ROBO2: variants seen among roughly 807,000 people sequenced by gnomAD.
ROBO2 encodes roundabout homolog 2.
Under a neutral mutation model 160.8 loss-of-function variants are expected in ROBO2, and 53 were observed. The ratio of observed to expected loss-of-function variants is 0.33; its 90% CI spans 0.26 to 0.41. The LOEUF is 0.41. Ranked by LOEUF, ROBO2 falls within the 10% of genes least tolerant of loss-of-function variation. The probability of loss-of-function intolerance (pLI) is 1.00; values close to 1 mark genes in which losing one functional copy is unlikely to be tolerated. For synonymous variants in ROBO2, 664 were observed against 611.7 expected (o/e 1.09, Z -1.26); for missense variants, 1,577 against 1,722.4 (o/e 0.92, Z 1.49).
Position 76,813,569 on chromosome 3 carries a change from C to T in ROBO2, c.110-284445C>T, listed in dbSNP as rs1318347568. On this transcript the variant is annotated intron_variant, in intron 2 of 26. Coordinates refer to the ROBO2 transcript ENST00000487694. ...TCTAATTTATGCTTTTTGAGTGATA[C>T]GAAGTAACTATTCCCAAATTTATGA... is the stretch of plus-strand genomic sequence containing the variant. Among the ~76,000 whole-genome samples, 7 of 152,120 alleles carry T rather than the reference C, an allele frequency of 4.6e-5. 1 individual carries two copies. In the South Asian group the frequency reaches 6.2e-4, roughly 14 times the overall value.
intron 2 of ROBO2, among the ~76,000 whole-genome samples, chr3:77,110,024 A>C (rs1355763365): frequency 1.3e-5 from 2 of 152,222 alleles, no homozygotes; most frequent in Non-Finnish European, 2.9e-5. Flanking sequence ...CAGAAAGAGT[A>C]ATCTTTTCTA....
intron 2 of ROBO2, among the ~76,000 whole-genome samples, chr3:76,131,605 G>A (rs2071224252): frequency 6.6e-6 from 1 of 152,080 alleles, no homozygotes; most frequent in South Asian, 2.1e-4. Flanking sequence ...AGACCTGTCA[G>A]CAGCTGAGAT....
intron 2 of ROBO2, among the ~76,000 whole-genome samples, chr3:77,294,001 G>T (rs1199155698): frequency 1.4e-5 from 2 of 143,484 alleles, no homozygotes; most frequent in African/African-American, 5.4e-5. Context: ...CGGTTAAACG[G>T]GTACACTGAG....
intron 2 of ROBO2, among the ~76,000 whole-genome samples, chr3:76,757,855 G>T (rs1174416427): frequency 6.6e-6 from 1 of 151,522 alleles, no homozygotes; most frequent in African/African-American, 2.4e-5. Flanking sequence ...GCATCCCTAG[G>T]GGAGTTTTCA....
intron 2 of ROBO2, among the ~76,000 whole-genome samples, chr3:76,119,916 C>CCCTCCCTTCCTTCCTCCCTCCCTT (rs1377854643): frequency 1.0e-4 from 9 of 88,178 alleles, no homozygotes; most frequent in African/African-American, 4.3e-4. Flanking sequence ...TTCCCTCCCT[C>CCCTCCCTTCCTTCCTCCCTCCCTT]CCTTCCTTCC....
chr3:76,036,787 A>G (rs2067124087), intron 2 of ROBO2, among the ~76,000 whole-genome samples: 1 of 152,048 alleles, frequency 6.6e-6, no homozygotes, highest in Admixed American at 6.5e-5. Flanking sequence ...TACAGGCATG[A>G]GCCACTGTGC....
intron 1 of ROBO2, among the ~76,000 whole-genome samples, chr3:75,934,599 G>T (rs1231967395): frequency 6.6e-6 from 1 of 151,970 alleles, no homozygotes; most frequent in Non-Finnish European, 1.5e-5. Context: ...GAATGGCAGG[G>T]GCAGCATTTA....
At chr3:76,158,793 G>A (rs1316403813) in intron 2 of ROBO2, among the ~76,000 whole-genome samples, 1 of 152,104 alleles carries the variant, frequency 6.6e-6, no homozygotes, top group Non-Finnish European at 1.5e-5. Context: ...TTCTTTTCCT[G>A]ATAAGGCTAA....
At chr3:77,142,557 T>C (rs749143376) in intron 2 of ROBO2, among the ~76,000 whole-genome samples, 9 of 152,204 alleles carry the variant, frequency 5.9e-5, no homozygotes, top group Non-Finnish European at 1.2e-4. Context: ...CTGTCTTCTT[T>C]GCTATTGGAG....
chr3:76,177,148 A>G (rs561578120), intron 2 of ROBO2, among the ~76,000 whole-genome samples: 16 of 152,270 alleles, frequency 1.1e-4, no homozygotes, highest in African/African-American at 3.8e-4. Context: ...TTTTATGTCT[A>G]ATGTCAGATA....
At chr3:76,933,676 A>T (rs2077498467) in intron 2 of ROBO2, among the ~76,000 whole-genome samples, 1 of 152,178 alleles carries the variant, frequency 6.6e-6, no homozygotes, top group Non-Finnish European at 1.5e-5. Context: ...CTCATACATT[A>T]TGTATATATT....
At chr3:76,248,310 C>G (rs1260340547) in intron 2 of ROBO2, among the ~76,000 whole-genome samples, 1 of 151,880 alleles carries the variant, frequency 6.6e-6, no homozygotes, top group African/African-American at 2.4e-5. Flanking sequence ...ACTATGCAGC[C>G]ATAAAAAATG....
At chr3:77,015,877 C>T (rs868621078) in intron 2 of ROBO2, among the ~76,000 whole-genome samples, 1 of 152,190 alleles carries the variant, frequency 6.6e-6, no homozygotes. Flanking sequence ...CAGCATATCC[C>T]CACATTTGAA....
chr3:76,409,858 T>C (rs1382456224), intron 2 of ROBO2, among the ~76,000 whole-genome samples: 2 of 152,118 alleles, frequency 1.3e-5, no homozygotes, highest in African/African-American at 4.8e-5. Flanking sequence ...ACTTTTTAAA[T>C]TCTTGGATTT....
intron 2 of ROBO2, among the ~76,000 whole-genome samples, chr3:76,341,504 C>T (rs988757201): frequency 7.4e-5 from 7 of 94,682 alleles, no homozygotes; most frequent in Non-Finnish European, 1.6e-4. Context: ...TATCTCTTTA[C>T]AAAAAAAAAA....
intron 2 of ROBO2, among the ~76,000 whole-genome samples, chr3:77,369,054 TAAGAGA>T (rs889921931): frequency 1.3e-5 from 2 of 152,112 alleles, no homozygotes; most frequent in African/African-American, 4.8e-5. Context: ...GTTTCACATA[TAAGAGA>T]TAGAACTAGT....
At chr3:77,013,015 A>G (rs2062011128) in intron 2 of ROBO2, among the ~76,000 whole-genome samples, 1 of 152,114 alleles carries the variant, frequency 6.6e-6, no homozygotes, top group African/African-American at 2.4e-5. Context: ...ATCTTGACTC[A>G]TTTGTGGGGG....
At position 76,809,255 on chromosome 3, in the gene ROBO2, C is replaced by T. The variant is rs2064977662; in HGVS notation, c.110-288759C>T. On this transcript the variant is annotated intron_variant, in intron 2 of 26. Coordinates refer to the ROBO2 transcript ENST00000487694. ...CTGGGGAAAAGTCTTCTTCAAGCTC[C>T]CTCAGGTTGTTGGCAGAATTCATAT... Among the ~76,000 whole-genome samples, 3 of 152,024 alleles carry T rather than the reference C, an allele frequency of 2.0e-5. No individual in the cohort carries two copies. The South Asian group carries it at 6.2e-4, about 32-fold the overall frequency.
intron 2 of ROBO2, among the ~76,000 whole-genome samples, chr3:76,428,345 A>AT (rs2076301716): frequency 6.6e-6 from 1 of 152,152 alleles, no homozygotes; most frequent in African/African-American, 2.4e-5. Context: ...TATATTGTAT[A>AT]TTTTTTATAT....
Sources: allele counts gnomAD v4.1 joint callset (sites outside exome capture counted in the v4.1 genomes callset), GRCh38; gene constraint gnomAD v4.1.1; transcripts MANE v1.5; gene names NCBI Gene and HGNC (gene_info 2026-07-23, HGNC 2026-07-21).